TAF1: variants seen among roughly 807,000 people sequenced by gnomAD.
TAF1 encodes the protein transcription initiation factor TFIID subunit 1.
A neutral mutation model predicts 138.5 loss-of-function variants in TAF1; 2 were observed. The ratio of observed to expected loss-of-function variants is 0.01; its 90% CI spans 0.01 to 0.05. The LOEUF (loss-of-function observed/expected upper bound fraction) is 0.05. Ranked by LOEUF, TAF1 falls within the 10% of genes least tolerant of loss-of-function variation. The pLI is 1.00. For synonymous variants in TAF1, 437 were observed against 503.2 expected, an observed-to-expected ratio of 0.87 and a Z score of 1.76; for missense variants, 709 against 1,478.0, an observed-to-expected ratio of 0.48 and a Z score of 8.53.
At chrX:71,407,211 C>T (rs1046835554) in intron 26 of TAF1, among the ~76,000 whole-genome samples, 76 of 99,099 alleles carry the variant, frequency 7.7e-4, no homozygotes, top group Admixed American at 2.1e-3. Context: ...CCGTGCTCGG[C>T]AGATTTTTTT....
At chrX:71,512,604 G>C (rs1289762613) in intron 13 of TAF1, among the ~76,000 whole-genome samples, 2 of 111,432 alleles carry the variant, frequency 1.8e-5, no homozygotes, top group Non-Finnish European at 3.8e-5. Flanking sequence ...GATCACTTGA[G>C]GTCAGGAGTC....
intron 13 of TAF1, among the ~76,000 whole-genome samples, chrX:71,502,752 A>G (rs1160338077): frequency 9.0e-6 from 1 of 111,123 alleles, no homozygotes; most frequent in Non-Finnish European, 1.9e-5. Flanking sequence ...AGCCTGGCCA[A>G]TATGGCAAAA....
chrX:71,436,537 G>A (rs950413073), intron 32 of TAF1, among the ~76,000 whole-genome samples: 20 of 108,169 alleles, frequency 1.8e-4, no homozygotes, highest in African/African-American at 6.4e-4. Context: ...TGTAGAGATG[G>A]GGTTTCACCA....
intron 32 of TAF1, among the ~76,000 whole-genome samples, chrX:71,452,930 G>A (rs1490631797): frequency 4.5e-5 from 5 of 112,166 alleles, no homozygotes; most frequent in South Asian, 3.7e-4. Flanking sequence ...GCGTGGTGGC[G>A]CGCGCCTGCA....
chrX:71,464,141 C>A lies in TAF1; in HGVS notation c.*95C>A. ...TGTTCATATTTGTACAGTATCTGAT[C>A]CTGAAATCATGAAATTAACTAACAC... On this transcript the variant is annotated 3_prime_UTR_variant, in exon 38 of 38. Transcript: ENST00000423759. 1 of 803,310 alleles carries A rather than the reference C, an allele frequency of 1.2e-6. No homozygotes were observed. The highest frequency in any genetic ancestry group is 1.8e-6 in the Non-Finnish European group (1 of 564,734). 66.2% of individuals were successfully genotyped at this position (803,310 alleles called of 1,213,427 possible). A position where few individuals can be genotyped will look rare whatever the true frequency, so the allele number is the denominator to read the frequency against.
Position 71,508,606 on chromosome X carries a change from GA to G in TAF1, c.1367-19920del, listed in dbSNP as rs1298001093. Among the ~76,000 whole-genome samples the G allele has an allele frequency of 5.5e-3, 212 of 38,465 alleles. 1 individual carries two copies. The highest frequency in any genetic ancestry group is 0.019 in the Middle Eastern group (1 of 52). The allele number at this position is 38,465 out of a possible 115,157, so 33.4% of individuals were successfully genotyped here. ...GGTGACAGAGCAAGACCCTGTCTCT[GA>G]AAAAAAAAAAAAAAAGAAAAAAAAA... is the stretch of plus-strand genomic sequence containing the variant. On this transcript the variant is annotated intron_variant and NMD_transcript_variant, in intron 13 of 14. Transcript: ENST00000373775.
intron 32 of TAF1, among the ~76,000 whole-genome samples, chrX:71,446,242 T>C (rs1261647966): frequency 9.0e-6 from 1 of 111,636 alleles, no homozygotes; most frequent in Non-Finnish European, 1.9e-5. Context: ...TTTATTGATG[T>C]GTGCTTGTGC....
intron 34 of TAF1, among the ~76,000 whole-genome samples, chrX:71,456,904 AC>A (rs1471748205): frequency 9.2e-6 from 1 of 109,188 alleles, no homozygotes; most frequent in East Asian, 2.9e-4. Flanking sequence ...CGTACTCCCG[AC>A]CTCAGGCCCA....
At chrX:71,444,624 G>A (rs768224341) in intron 32 of TAF1, among the ~76,000 whole-genome samples, 1 of 111,579 alleles carries the variant, frequency 9.0e-6, no homozygotes, top group South Asian at 3.8e-4. Context: ...GGCTGAGATG[G>A]GAGGATTGCT....
At chrX:71,444,164 C>G (rs1202519934) in intron 32 of TAF1, among the ~76,000 whole-genome samples, 1 of 110,460 alleles carries the variant, frequency 9.1e-6, no homozygotes, top group African/African-American at 3.3e-5. Flanking sequence ...CCTGCTATTA[C>G]GCCTGGCTAA....
chrX:71,411,538 G>T (rs147696004), intron 28 of TAF1, among the ~76,000 whole-genome samples: 4 of 111,892 alleles, frequency 3.6e-5, no homozygotes, highest in Non-Finnish European at 7.5e-5. Flanking sequence ...TAACGTCAGA[G>T]CCTGTACTCT....
intron 13 of TAF1, chrX:71,492,224 G>T (rs193068300): frequency 1.3e-4 from 17 of 129,914 alleles, no homozygotes; most frequent in Non-Finnish European, 2.3e-4. Context: ...ACTCGATGGG[G>T]CATTCGTTGT....
At chrX:71,431,003 A>ATTT (rs41481947) in intron 32 of TAF1, among the ~76,000 whole-genome samples, 19 of 68,594 alleles carry the variant, frequency 2.8e-4, no homozygotes, top group Admixed American at 5.8e-4. Flanking sequence ...GCTCAGAAGA[A>ATTT]TTTTTTTTTT....
chrX:71,436,950 C>A (rs1204621473), intron 32 of TAF1, among the ~76,000 whole-genome samples: 2 of 111,130 alleles, frequency 1.8e-5, no homozygotes, highest in African/African-American at 6.5e-5. Flanking sequence ...TCCATTTTTC[C>A]TCCTGGGAGC....
At chrX:71,412,778 C>T (rs940999616) in intron 28 of TAF1, among the ~76,000 whole-genome samples, 5 of 112,282 alleles carry the variant, frequency 4.5e-5, no homozygotes, top group African/African-American at 9.7e-5. Flanking sequence ...TAAGTAGAGA[C>T]GGTTTCACTG....
At chrX:71,405,956 C>T (rs977310096) in intron 25 of TAF1, among the ~76,000 whole-genome samples, 1 of 111,649 alleles carries the variant, frequency 9.0e-6, no homozygotes, top group African/African-American at 3.3e-5. Context: ...GAGGGAAGCC[C>T]AAACTAGTTT....
At chrX:71,454,544 T>C (rs983050152) in intron 33 of TAF1, among the ~76,000 whole-genome samples, 197 bp from the exon 34 acceptor site, 9 of 111,358 alleles carry the variant, frequency 8.1e-5, no homozygotes, top group Middle Eastern at 4.6e-3. Flanking sequence ...GATTATCCTA[T>C]TTTAAAATGT....
At chrX:71,513,961 C>T (rs1182125299) in intron 13 of TAF1, among the ~76,000 whole-genome samples, 1 of 111,351 alleles carries the variant, frequency 9.0e-6, no homozygotes, top group African/African-American at 3.3e-5. Context: ...TGGGTGGGGA[C>T]AAATAAGGGA....
intron 34 of TAF1, among the ~76,000 whole-genome samples, chrX:71,456,859 G>T (rs2038329212): frequency 9.2e-6 from 1 of 108,499 alleles, no homozygotes; most frequent in Non-Finnish European, 1.9e-5. Flanking sequence ...ATTTTTAGTA[G>T]AGACAGGGTT....
Sources: gnomAD v4.1 joint callset for allele counts (sites outside exome capture counted in the v4.1 genomes callset) on GRCh38, gnomAD v4.1.1 for gene constraint, MANE v1.5 for transcripts, NCBI Gene and HGNC (gene_info 2026-07-23, HGNC 2026-07-21) for gene names.